The following ZNF7 variants were observed in gnomAD, a reference collection of about 807,000 sequenced individuals.
ZNF7 encodes C2-H2 type zinc finger protein.
A neutral mutation model predicts 12.0 loss-of-function variants in ZNF7; 10 were observed. That is an observed-to-expected ratio of 0.83 (90% CI 0.51 to 1.42). ZNF7 has a LOEUF of 1.42. Among genes scored for constraint, ZNF7 ranks in the 40% most tolerant of loss-of-function variants. ZNF7 has a pLI of 0.00. For missense variants in ZNF7, 854 were observed against 837.2 expected (o/e 1.02, Z -0.25); for synonymous variants, 334 against 295.0 (o/e 1.13, Z -1.35).
At chr8:144,828,643 G>T (rs1157417414) in intron 1 of ZNF7, 1 of 215,874 alleles carries the variant, frequency 4.6e-6, no homozygotes, top group Non-Finnish European at 9.6e-6. Context: ...TCTAGTCTAA[G>T]TGGCTTTCAT....
Position 144,837,519 on chromosome 8 carries a change from A to G in ZNF7, c.247+12A>G, listed in dbSNP as rs766463156. The G allele has an allele frequency of 6.3e-7, 1 of 1,586,150 alleles. No homozygotes were observed. The highest frequency in any genetic ancestry group is 8.6e-7 in the Non-Finnish European group (1 of 1,158,662). ...GACCTCCAAGACAGGTGAGGCTTAG[A>G]TCCCATCGCAGAGAAGCCCTGGGGT... is the stretch of plus-strand genomic sequence containing the variant. On this transcript the variant is annotated intron_variant, in intron 4 of 4. Coordinates refer to ENST00000532777, the MANE Select transcript of ZNF7 (RefSeq NM_003416.4).
At chr8:144,840,669 G>A (rs1034443655) in intron 4 of ZNF7, among the ~76,000 whole-genome samples, 2 of 152,086 alleles carry the variant, frequency 1.3e-5, no homozygotes, top group Non-Finnish European at 2.9e-5. Context: ...AAGGCCTCCT[G>A]GGGGCCTCCA....
chr8:144,827,813 G>C (rs1180095800), intron 1 of ZNF7: 2 of 492,602 alleles, frequency 4.1e-6, no homozygotes, highest in Admixed American at 1.3e-4. Context: ...GCGGCGCGAG[G>C]TGGGCTTCGT....
At chr8:144,840,595 G>A (rs1050283963) in intron 4 of ZNF7, among the ~76,000 whole-genome samples, 2 of 152,208 alleles carry the variant, frequency 1.3e-5, no homozygotes, top group Non-Finnish European at 2.9e-5. Flanking sequence ...TGCCCTCTAG[G>A]GTTACAGAGT....
rs1830267032 is a variant in ZNF7, at chr8:144,843,502, G to A, written c.*334G>A. The A allele has an allele frequency of 5.7e-6, 1 of 174,504 alleles. No individual in the cohort carries two copies. Among genetic ancestry groups the A allele is most frequent in the Non-Finnish European group, 1.2e-5 (1 of 83,966 alleles). The allele number at this position is 174,504 out of a possible 1,614,324, so 10.8% of individuals were successfully genotyped here. ...GCTCGGGAGGCTGAGGCAGGAGAATGGCATCAGCCCAGGAGGCGGAGCTTG... is the reference window on the plus strand; with the variant it reads ...GCTCGGGAGGCTGAGGCAGGAGAATAGCATCAGCCCAGGAGGCGGAGCTTG... On this transcript the variant is annotated 3_prime_UTR_variant, in exon 5 of 5. Transcript: ENST00000532777.
intron 3 of ZNF7, chr8:144,834,222 A>C (rs1174520610): frequency 1.3e-5 from 2 of 152,340 alleles, no homozygotes; most frequent in Non-Finnish European, 2.9e-5. Context: ...TGTAGTACAA[A>C]AATGCTGTTG....
In ZNF7 at chr8:144,829,031, A is replaced by C. The variant is rs1828126530; in HGVS notation, c.-45-12A>C. 3.2e-5 allele frequency: 51 copies of C among 1,613,198 alleles called. No individual in the cohort carries two copies. The highest frequency in any genetic ancestry group is 4.3e-5 in the Non-Finnish European group (51 of 1,179,632). On this transcript the variant is annotated splice_polypyrimidine_tract_variant and intron_variant, in intron 1 of 4. Transcript: ENST00000532777. ...GCACCTTGACCTCTAATCCTTTCAT[A>C]ATTGCCAACAGGTCTCTCGGCCAGA...
chr8:144,843,271 A>G lies in ZNF7; in HGVS notation c.*103A>G. 7.3e-7 allele frequency: 1 copy of G among 1,360,840 alleles called. No homozygotes were observed. The highest frequency in any genetic ancestry group is 9.9e-7 in the Non-Finnish European group (1 of 1,009,546). The allele number at this position is 1,360,840 out of a possible 1,614,324, so 84.3% of individuals were successfully genotyped here. ...ACTGACAAACATGTAGAATGTTGGTAAAGGTTCAGAATTGCTCTCAAGAAT... is the reference window on the plus strand; with the variant it reads ...ACTGACAAACATGTAGAATGTTGGTGAAGGTTCAGAATTGCTCTCAAGAAT... On this transcript the variant is annotated 3_prime_UTR_variant, in exon 5 of 5. Transcript: ENST00000532777.
intron 2 of ZNF7, 161 bp downstream of exon 2, chr8:144,829,251 C>A (rs1828152071): frequency 3.3e-5 from 51 of 1,539,824 alleles, no homozygotes; most frequent in Non-Finnish European, 4.3e-5. Context: ...CCTGCCCAAA[C>A]CAGGGCCTAA....
At chr8:144,827,737 G>T (rs1827933381) in intron 1 of ZNF7, 128 bp downstream of exon 1, 4 of 960,220 alleles carry the variant, frequency 4.2e-6, no homozygotes, top group Non-Finnish European at 5.0e-6. Context: ...GGGAAAGCGC[G>T]GGGGCTTTGC....
At chr8:144,836,333 A>G (rs1248624370) in intron 3 of ZNF7, 1 of 151,892 alleles carries the variant, frequency 6.6e-6, no homozygotes, top group Non-Finnish European at 1.5e-5. Context: ...CCGTATCTCT[A>G]AATAAATAAC....
At chr8:144,832,655 G>A (rs1828576733) in intron 3 of ZNF7, among the ~76,000 whole-genome samples, 1 of 151,650 alleles carries the variant, frequency 6.6e-6, no homozygotes. Flanking sequence ...TTGAACCCAG[G>A]AGGCAGAGGT....
chr8:144,839,816 G>A (rs917344289), intron 4 of ZNF7, among the ~76,000 whole-genome samples: 10 of 152,222 alleles, frequency 6.6e-5, no homozygotes, highest in Non-Finnish European at 1.2e-4. Context: ...GTGGAGGAGC[G>A]GCCAGGTCCC....
chr8:144,829,410 T>C (rs1321996595), intron 2 of ZNF7, 68 bp from the exon 3 acceptor site: 3 of 1,604,876 alleles, frequency 1.9e-6, no homozygotes, highest in Non-Finnish European at 2.6e-6. Context: ...CTGAGACATG[T>C]CATGAGGCAG....
intron 1 of ZNF7, 48 bp downstream of exon 1, chr8:144,827,657 G>A (rs1038740429): frequency 2.0e-6 from 2 of 985,374 alleles, no homozygotes; most frequent in African/African-American, 1.7e-5. Flanking sequence ...CGGTCCGAGT[G>A]ATCCCTGGTC....
rs7016113 is a variant in ZNF7, at chr8:144,838,976, T to C, written c.247+1469T>C. The stretch of plus-strand genomic sequence containing the variant: ...AAAAAAAAAAAAGCAGGGGCTGTGA[T>C]CTTACTTCCATTCATATGCGCCTAG... On this transcript the variant is annotated intron_variant, in intron 4 of 4. Transcript: ENST00000532777. 5.4e-4 allele frequency: 79 copies of C among 145,182 alleles called. 2 individuals are homozygous for C. Among genetic ancestry groups the C allele is most frequent in the South Asian group, 3.8e-3 (17 of 4,432 alleles). 9.0% of individuals were successfully genotyped at this position (145,182 alleles called of 1,614,324 possible).
At position 144,832,060 on chromosome 8, in the gene ZNF7, G is replaced by T; in HGVS notation, c.130+2456G>T. On this transcript the variant is annotated intron_variant, in intron 3 of 4. Coordinates refer to ENST00000532777, the MANE Select transcript of ZNF7 (RefSeq NM_003416.4). The stretch of plus-strand genomic sequence containing the variant: ...TCTTTTGTGTTTGTTAACTTTGTTA[G>T]GTCAGATTTTAATGTAATTACTGTG... Among the ~76,000 whole-genome samples, 2 of 101,326 alleles carry T rather than the reference G, an allele frequency of 2.0e-5. 1 individual carries two copies. Among genetic ancestry groups the T allele is most frequent in the Non-Finnish European group, 5.0e-5 (2 of 40,272 alleles). 66.5% of individuals were successfully genotyped at this position (101,326 alleles called of 152,430 possible).
intron 3 of ZNF7, chr8:144,834,028 C>G (rs1052807103): frequency 6.6e-6 from 1 of 151,310 alleles, no homozygotes; most frequent in Non-Finnish European, 1.5e-5. Context: ...CCGTCTGCCT[C>G]GACCTCCCAA....
chr8:144,839,522 C>A (rs1055393152), intron 4 of ZNF7, among the ~76,000 whole-genome samples: 1 of 152,240 alleles, frequency 6.6e-6, no homozygotes, highest in East Asian at 1.9e-4. Flanking sequence ...AAGCCAGCTA[C>A]AGTTGGCAGA....
Sources: gnomAD v4.1 joint callset for allele counts (sites outside exome capture counted in the v4.1 genomes callset) on GRCh38, gnomAD v4.1.1 for gene constraint, MANE v1.5 for transcripts, NCBI Gene and HGNC (gene_info 2026-07-23, HGNC 2026-07-21) for gene names.